AGBL1: variants seen among roughly 807,000 people sequenced by gnomAD.
AGBL1 encodes AGBL carboxypeptidase 1, also known as cytosolic carboxypeptidase 4.
AGBL1 carries 130 observed loss-of-function variants against 118.9 expected under a neutral mutation model. The ratio of observed to expected loss-of-function variants is 1.09; its 90% CI spans 0.95 to 1.26. AGBL1 has a LOEUF of 1.26. AGBL1 is among the 50% of genes most tolerant of loss of function. The pLI is 0.00. For missense variants in AGBL1, 1,584 were observed against 1,298.1 expected (o/e 1.22, Z -3.38); for synonymous variants, 555 against 478.9 (o/e 1.16, Z -2.08).
intron 22 of AGBL1, among the ~76,000 whole-genome samples, chr15:86,905,918 C>T (rs1325114025): frequency 6.6e-6 from 1 of 152,176 alleles, no homozygotes; most frequent in African/African-American, 2.4e-5. Flanking sequence ...AAACAAGTTT[C>T]ATATTTCTTC....
At chr15:86,254,906 C>G (rs1307710619) in intron 7 of AGBL1, among the ~76,000 whole-genome samples, 1 of 152,208 alleles carries the variant, frequency 6.6e-6, no homozygotes, top group African/African-American at 2.4e-5. Flanking sequence ...GTGCAGCAGA[C>G]AGCAAATATA....
rs566682619 is a variant in AGBL1, at chr15:86,766,366, C to A, written c.3158+91930C>A. Among the ~76,000 whole-genome samples the A allele has an allele frequency of 1.4e-4, 22 of 151,992 alleles. No homozygotes were observed. In the South Asian group the frequency reaches 2.5e-3, roughly 17 times the overall value. ...TTATTTAGAATTTGTTTCCTTCCGACCAGACACTGGTCCCTTTATAAAACT... is the reference window on the plus strand; with the variant it reads ...TTATTTAGAATTTGTTTCCTTCCGAACAGACACTGGTCCCTTTATAAAACT... On this transcript the variant is annotated intron_variant, in intron 22 of 22. Coordinates refer to ENST00000614907, the MANE Select transcript of AGBL1 (RefSeq NM_001386094.1).
chr15:86,265,627 T>G (rs904014617), intron 11 of AGBL1, among the ~76,000 whole-genome samples: 2 of 152,234 alleles, frequency 1.3e-5, no homozygotes, highest in Non-Finnish European at 2.9e-5. Context: ...CTTGGGGTCC[T>G]GGCTGACATA....
intron 16 of AGBL1, 89 bp from the exon 17 acceptor site, chr15:86,295,166 C>G: frequency 1.4e-6 from 2 of 1,448,342 alleles, no homozygotes; most frequent in Non-Finnish European, 1.9e-6. Context: ...AACAATACTT[C>G]TAAACTATAT....
intron 18 of AGBL1, among the ~76,000 whole-genome samples, chr15:86,515,980 A>G (rs1186639138): frequency 6.6e-6 from 1 of 152,200 alleles, no homozygotes; most frequent in African/African-American, 2.4e-5. Context: ...TTGGGTTCAG[A>G]AAGGTGGGAC....
chr15:86,666,145 G>A (rs916679250), intron 21 of AGBL1, among the ~76,000 whole-genome samples: 3 of 152,112 alleles, frequency 2.0e-5, no homozygotes, highest in African/African-American at 7.2e-5. Context: ...ACTAATAGGA[G>A]GAGAATCGAT....
At chr15:86,595,826 G>A (rs909130390) in intron 21 of AGBL1, among the ~76,000 whole-genome samples, 1 of 151,918 alleles carries the variant, frequency 6.6e-6, no homozygotes, top group African/African-American at 2.4e-5. Flanking sequence ...ATGGGCAGGG[G>A]GCAAGGGAAT....
intron 22 of AGBL1, among the ~76,000 whole-genome samples, chr15:86,886,145 TCTCA>T (rs1270659910): frequency 6.6e-6 from 1 of 152,216 alleles, no homozygotes; most frequent in Non-Finnish European, 1.5e-5. Context: ...AACATCCTGT[TCTCA>T]TACTTCATAT....
Position 86,264,490 on chromosome 15 carries a change from A to C in AGBL1, c.1319A>C (p.Gln440Pro). 1 of 1,614,044 alleles carries C rather than the reference A, an allele frequency of 6.2e-7. No homozygotes were observed. Among genetic ancestry groups the C allele is most frequent in the Non-Finnish European group, 8.5e-7 (1 of 1,179,894 alleles). ...SKKNPGVNLY[Q>P]NVQSNSLRRD... ...AAAAATCCTGGAGTGAACCTGTACCAAAATGTGCAATCCAATAGTCTCAGG... is the reference window on the plus strand; with the variant it reads ...AAAAATCCTGGAGTGAACCTGTACCCAAATGTGCAATCCAATAGTCTCAGG... Residue 440 changes from glutamine to proline, a missense_variant, in exon 11 of 23, where the codon CAA (glutamine) becomes CCA (proline). Physicochemically the swap from Gln to Pro is moderately conservative, Grantham distance 76. Coordinates refer to ENST00000614907, the MANE Select transcript of AGBL1 (RefSeq NM_001386094.1).
intron 18 of AGBL1, among the ~76,000 whole-genome samples, chr15:86,451,385 A>G (rs1023288408): frequency 3.3e-5 from 5 of 152,214 alleles, no homozygotes; most frequent in Non-Finnish European, 7.3e-5. Context: ...ATATACCCAT[A>G]AAAGTTGTTT....
chr15:86,081,249 C>T (rs1486939795), intron 1 of AGBL1, among the ~76,000 whole-genome samples: 2 of 152,094 alleles, frequency 1.3e-5, no homozygotes, highest in African/African-American at 2.4e-5. Context: ...TTCACCATGT[C>T]GGCCAGACTG....
chr15:86,792,456 C>G (rs2078508224), intron 22 of AGBL1, among the ~76,000 whole-genome samples: 1 of 152,076 alleles, frequency 6.6e-6, no homozygotes, highest in Non-Finnish European at 1.5e-5. Flanking sequence ...GTCTGTTTAG[C>G]ATGGAAGTTA....
intron 22 of AGBL1, among the ~76,000 whole-genome samples, chr15:86,886,927 T>C (rs2079978968): frequency 6.6e-6 from 1 of 152,176 alleles, no homozygotes; most frequent in Non-Finnish European, 1.5e-5. Flanking sequence ...TCTCGCCAAG[T>C]GTGTAATACC....
chr15:86,136,939 C>T (rs913231342), intron 1 of AGBL1, among the ~76,000 whole-genome samples: 1 of 152,142 alleles, frequency 6.6e-6, no homozygotes, highest in South Asian at 2.1e-4. Context: ...TTGGTAGATA[C>T]ATTTTTTTAT....
At chr15:86,141,944 T>G (rs1284546709) in intron 1 of AGBL1, 60 bp from the exon 2 acceptor site, 12 of 1,494,686 alleles carry the variant, frequency 8.0e-6, no homozygotes, top group Non-Finnish European at 1.1e-5. Flanking sequence ...TGTACATCCC[T>G]GATCATCCAA....
At chr15:86,332,645 CAAAA>C (rs60036454) in intron 17 of AGBL1, among the ~76,000 whole-genome samples, 12 of 89,004 alleles carry the variant, frequency 1.3e-4, no homozygotes, top group Admixed American at 3.5e-4. Flanking sequence ...GACTCCATCT[CAAAA>C]AAAAAAAAAA....
At chr15:86,564,101 C>G (rs1038661242) in intron 21 of AGBL1, among the ~76,000 whole-genome samples, 1 of 152,124 alleles carries the variant, frequency 6.6e-6, no homozygotes, top group East Asian at 1.9e-4. Context: ...CAGTCTGTGT[C>G]TTTTAATTGG....
chr15:86,571,115 G>A (rs1264714940), intron 21 of AGBL1, among the ~76,000 whole-genome samples: 2 of 152,148 alleles, frequency 1.3e-5, no homozygotes, highest in East Asian at 1.9e-4. Flanking sequence ...GGCTGGCACT[G>A]GGGAATATGG....
chr15:86,764,857 A>G (rs527372730), intron 22 of AGBL1, among the ~76,000 whole-genome samples: 2 of 152,188 alleles, frequency 1.3e-5, no homozygotes, highest in African/African-American at 4.8e-5. Flanking sequence ...TGTAGATTAT[A>G]CAGAAATCAC....
Sources: allele counts gnomAD v4.1 joint callset (sites outside exome capture counted in the v4.1 genomes callset), GRCh38; gene constraint gnomAD v4.1.1; transcripts MANE v1.5; gene names NCBI Gene and HGNC (gene_info 2026-07-23, HGNC 2026-07-21).